Variants in ROBO4 observed in about 807,000 individuals in gnomAD.
ROBO4 encodes the protein roundabout homolog 4.
Under a neutral mutation model 103.3 loss-of-function variants are expected in ROBO4, and 80 were observed. That is an observed-to-expected ratio of 0.77 (90% CI 0.65 to 0.93). The LOEUF is 0.93. Ranked by LOEUF, ROBO4 falls within the 40% of genes least tolerant of loss-of-function variation. ROBO4 has a pLI of 0.00. For synonymous variants in ROBO4, 504 were observed against 529.7 expected (o/e 0.95, Z 0.67); for missense variants, 1,333 against 1,305.3 (o/e 1.02, Z -0.33).
In ROBO4 at chr11:124,895,502, G is replaced by C; in HGVS notation, c.991C>G (p.Arg331Gly). Reference protein sequence around the residue: ...FKVRPSSGRARGPDSNVLLLR... With the variant: ...FKVRPSSGRAGGPDSNVLLLR... The stretch of plus-strand genomic sequence containing the variant: ...AGCAGCACGTTGCTGTCAGGGCCTC[G>C]AGCCCGGCCAGAGGATGGTCTCACT... Residue 331 changes from arginine to glycine, a missense_variant, in exon 6 of 18, where the codon CGA (arginine) becomes GGA (glycine). Transcript: ENST00000306534. 1 of 1,611,224 alleles carries C rather than the reference G, an allele frequency of 6.2e-7. No individual in the cohort carries two copies. Among genetic ancestry groups the C allele is most frequent in the Non-Finnish European group, 8.5e-7 (1 of 1,179,990 alleles).
intron 10 of ROBO4, chr11:124,892,431 T>A: frequency 4.7e-6 from 1 of 214,456 alleles, no homozygotes; most frequent in South Asian, 8.1e-5. Flanking sequence ...AAGAGGACCT[T>A]CCTTGGTCTG....
rs752832356 is a variant in ROBO4 at position 124,887,451 on chromosome 11, A to G, written c.2105T>C (p.Leu702Pro). ...LVAWRALGPK[L>P]LSSSNELVTR... ...AACCAGCTCATTTGAGGAGCTGAGG[A>G]GTTTCGGTCCCAGGGCCCGCCAGGC... is the stretch of plus-strand genomic sequence containing the variant. The change falls in exon 14 of 18, where the codon CTC (leucine) becomes CCC (proline). Residue 702 changes from leucine to proline, a missense_variant. By Grantham distance (98) the Leu-to-Pro change is moderately conservative (BLOSUM62 -3). Transcript: ENST00000306534. 6.2e-7 allele frequency: 1 copy of G among 1,613,988 alleles called. No individual in the cohort carries two copies. Among genetic ancestry groups the G allele is most frequent in the Non-Finnish European group, 8.5e-7 (1 of 1,179,954 alleles).
chr11:124,890,792 G>C (rs534411163), intron 12 of ROBO4, among the ~76,000 whole-genome samples: 40 of 152,362 alleles, frequency 2.6e-4, no homozygotes, highest in African/African-American at 9.4e-4. Context: ...TCCTCTCTGA[G>C]AAGTGAGTTG....
At position 124,887,759 on chromosome 11, in the gene ROBO4, C is replaced by T; in HGVS notation, c.2030G>A (p.Gly677Asp). The part of the protein sequence containing the change: ...ELRACELGNR[G>D]SKNLSQSPGA... ...TGGGCTTTGGGAAAGGTTCTTGGAA[C>T]CTCTATTTCCTAACTCACAGGCCCG... is the stretch of plus-strand genomic sequence containing the variant. Residue 677 changes from glycine to aspartate, a missense_variant, in exon 13 of 18, where the codon GGT (glycine) becomes GAT (aspartate). Coordinates refer to ENST00000306534, the MANE Select transcript of ROBO4 (RefSeq NM_019055.6). 3 of 1,614,002 alleles carry T rather than the reference C, an allele frequency of 1.9e-6. No individual in the cohort carries two copies. The highest frequency in any genetic ancestry group is 2.5e-6 in the Non-Finnish European group (3 of 1,179,924).
At chr11:124,888,702 CT>C (rs1276509982) in intron 12 of ROBO4, among the ~76,000 whole-genome samples, 1 of 152,228 alleles carries the variant, frequency 6.6e-6, no homozygotes, top group East Asian at 1.9e-4. Context: ...TCTGAGTGAA[CT>C]TTCACAACAG....
At chr11:124,885,924 C>T (rs1003476960) in intron 16 of ROBO4, among the ~76,000 whole-genome samples, 1 of 152,186 alleles carries the variant, frequency 6.6e-6, no homozygotes, top group Non-Finnish European at 1.5e-5. Flanking sequence ...CTCAGTGGCT[C>T]ATGCCTATAC....
chr11:124,890,460 G>T (rs1946781906), intron 12 of ROBO4, among the ~76,000 whole-genome samples: 1 of 152,208 alleles, frequency 6.6e-6, no homozygotes, highest in Admixed American at 6.5e-5. Flanking sequence ...AGAGAGAATA[G>T]GATTTCCTGA....
At chr11:124,896,732 C>T in intron 2 of ROBO4, 62 bp from the exon 3 acceptor site, 1 of 1,561,050 alleles carries the variant, frequency 6.4e-7, no homozygotes, top group Non-Finnish European at 8.7e-7. Context: ...TCCCTTATCA[C>T]TCTTGCCCCC....
At chr11:124,888,057 C>G (rs2135368250) in intron 12 of ROBO4, among the ~76,000 whole-genome samples, 1 of 152,346 alleles carries the variant, frequency 6.6e-6, no homozygotes, top group Middle Eastern at 3.4e-3. Context: ...ACCTGCCCAG[C>G]TCAGCTGTGT....
rs139537489 is a variant in ROBO4 at position 124,887,385 on chromosome 11, G to C, written c.2171C>G (p.Thr724Ser). Reference protein sequence around the residue: ...LPPAPLFPHETPPTQSQQTQP... With the variant: ...LPPAPLFPHESPPTQSQQTQP... ...GGTCTGTTGACTCTGAGTTGGGGGA[G>C]TTTCATGAGGAAAGAGGGGTGCTGG... Residue 724 changes from threonine to serine, a missense_variant, in exon 14 of 18, where the codon ACT (threonine) becomes AGT (serine). Thr to Ser is a moderately conservative substitution (Grantham distance 58). Coordinates refer to ENST00000306534, the MANE Select transcript of ROBO4 (RefSeq NM_019055.6). 6.2e-7 allele frequency: 1 copy of C among 1,614,064 alleles called. No individual in the cohort carries two copies. The highest frequency in any genetic ancestry group is 8.5e-7 in the Non-Finnish European group (1 of 1,179,960).
chr11:124,897,341 C>T, intron 1 of ROBO4, 80 bp from the exon 2 acceptor site: 1 of 1,101,866 alleles, frequency 9.1e-7, no homozygotes, highest in Non-Finnish European at 1.2e-6. Flanking sequence ...TCTGTCTTCT[C>T]TTGTGTGCGA....
Position 124,891,686 on chromosome 11 carries a change from G to C in ROBO4, c.1664C>G (p.Pro555Arg). The C allele has an allele frequency of 6.2e-7, 1 of 1,614,166 alleles. No homozygotes were observed. Among genetic ancestry groups the C allele is most frequent in the Non-Finnish European group, 8.5e-7 (1 of 1,180,024 alleles). The change falls in exon 11 of 18, where the codon CCA becomes CGA. Residue 555 changes from proline to arginine, a missense_variant. Transcript: ENST00000306534. ...SSRLGADARD[P>R]LDCRRSLLSW... The stretch of plus-strand genomic sequence containing the variant: ...CTCACAGGAGCGACGACAGTCTAGT[G>C]GGTCCCGGGCATCCGCCCCCAGCCG...
rs1946733235 is a variant in ROBO4 at position 124,887,425 on chromosome 11, T to C, written c.2131A>G (p.Thr711Ala). The C allele has an allele frequency of 1.9e-6, 3 of 1,613,666 alleles. No homozygotes were observed. The South Asian group carries it at 3.3e-5, about 18-fold the overall frequency. ...AGGGGTGCTGGAGGGAGATGACGAG[T>C]AACCAGCTCATTTGAGGAGCTGAGG... ...KLLSSSNELV[T>A]RHLPPAPLFP... The change falls in exon 14 of 18, where the codon ACT (threonine) becomes GCT (alanine). Residue 711 changes from threonine to alanine, a missense_variant. Thr to Ala is a moderately conservative substitution (Grantham distance 58, BLOSUM62 0). Coordinates refer to ENST00000306534, the MANE Select transcript of ROBO4 (RefSeq NM_019055.6).
rs1946682898 is a variant in ROBO4, at chr11:124,884,662, A to T, written c.*229T>A. The stretch of plus-strand genomic sequence containing the variant: ...CACAGAGGAGAAAGCAGTGGCTAGG[A>T]GTCAGGTGGAGATGATGTTTTGCTC... On this transcript the variant is annotated 3_prime_UTR_variant, in exon 18 of 18. Transcript: ENST00000306534. The T allele has an allele frequency of 3.3e-6, 2 of 602,722 alleles. No individual in the cohort carries two copies. Among genetic ancestry groups the T allele is most frequent in the African/African-American group, 1.9e-5 (1 of 53,882 alleles). The allele number at this position is 602,722 out of a possible 1,614,324, so 37.3% of individuals were successfully genotyped here. A position where few individuals can be genotyped will look rare whatever the true frequency, so the allele number is the denominator to read the frequency against.
intron 10 of ROBO4, chr11:124,892,364 T>C (rs568973705): frequency 5.1e-5 from 14 of 276,364 alleles, no homozygotes; most frequent in African/African-American, 3.1e-4. Flanking sequence ...CTTCTCTGCG[T>C]AAGACCTTCA....
chr11:124,887,902 G>T (rs968958062), intron 12 of ROBO4, 62 bp from the exon 13 acceptor site: 3 of 1,372,194 alleles, frequency 2.2e-6, no homozygotes, highest in African/African-American at 1.5e-5. Flanking sequence ...CCAGCTGCTG[G>T]CTCTATCTTC....
rs749631326 is a variant in ROBO4 at position 124,887,457 on chromosome 11, G to A, written c.2099C>T (p.Pro700Leu). The A allele has an allele frequency of 1.3e-5, 21 of 1,613,848 alleles. No individual in the cohort carries two copies. The African/African-American group carries it at 1.6e-4, about 12-fold the overall frequency. ...QALVAWRALG[P>L]KLLSSSNELV... The stretch of plus-strand genomic sequence containing the variant: ...CTCATTTGAGGAGCTGAGGAGTTTC[G>A]GTCCCAGGGCCCGCCAGGCAACCAG... Residue 700 changes from proline to leucine, a missense_variant, in exon 14 of 18, where the codon CCG becomes CTG. Pro to Leu is a moderately conservative substitution (Grantham distance 98). Coordinates refer to ENST00000306534, the MANE Select transcript of ROBO4 (RefSeq NM_019055.6).
intron 7 of ROBO4, 61 bp downstream of exon 7, chr11:124,895,020 C>T (rs921215830): frequency 7.9e-7 from 1 of 1,271,188 alleles, no homozygotes. Flanking sequence ...GTATGCAGAA[C>T]TCCAGAGAAA....
chr11:124,897,083 C>A lies in ROBO4; in HGVS notation c.249G>T (p.Leu83=), dbSNP rs746420072. 52 of 1,609,376 alleles carry A rather than the reference C, an allele frequency of 3.2e-5. No homozygotes were observed. Among genetic ancestry groups the A allele is most frequent in the East Asian group, 1.3e-4 (6 of 44,812 alleles). ...GTAGCAGCAGAAGGGTCCCATCAGG[C>A]AGGAGGTGGTGTGGGTCTGGGGGCA... ...SMVPPDPHHL[L]PDGTLLLLQP... is the part of the protein sequence containing the mutation. The change falls in exon 2 of 18, where the codon CTG becomes CTT. Residue 83 remains leucine (L), a synonymous_variant. Coordinates refer to ENST00000306534, the MANE Select transcript of ROBO4 (RefSeq NM_019055.6).
Sources: gnomAD v4.1 joint callset for allele counts (sites outside exome capture counted in the v4.1 genomes callset) on GRCh38, gnomAD v4.1.1 for gene constraint, MANE v1.5 for transcripts, NCBI Gene and HGNC (gene_info 2026-07-23, HGNC 2026-07-21) for gene names.